Variants in PZP observed in about 807,000 individuals in gnomAD.
PZP encodes PZP alpha-2-macroglobulin like.
Under a neutral mutation model 179.8 loss-of-function variants are expected in PZP, and 150 were observed. That is an observed-to-expected ratio of 0.83 (90% CI 0.73 to 0.96). PZP has a LOEUF of 0.96. Among genes scored for constraint, PZP ranks in the 40% least tolerant of loss-of-function variants. The pLI is 0.00. For missense variants in PZP, 1,689 were observed against 1,764.0 expected (o/e 0.96, Z 0.76); for synonymous variants, 624 against 652.3 (o/e 0.96, Z 0.66).
the PZP span, among the ~76,000 whole-genome samples, chr12:9,141,837 C>G: frequency 2.1e-3 from 325 of 152,286 alleles, no homozygotes; most frequent in Non-Finnish European, 3.2e-3. Context: ...AGGACCCAGA[C>G]AGAAGTTCAG....
chr12:9,202,874 A>C (rs1292101213), intron 2 of PZP, among the ~76,000 whole-genome samples, 190 bp from the exon 3 acceptor site: 1 of 152,176 alleles, frequency 6.6e-6, no homozygotes, highest in African/African-American at 2.4e-5. Context: ...AGTGGCCATC[A>C]ATAGAACCCA....
chr12:9,204,791 AT>A (rs1944365782), intron 1 of PZP, among the ~76,000 whole-genome samples: 1 of 152,110 alleles, frequency 6.6e-6, no homozygotes, highest in Admixed American at 6.6e-5. Flanking sequence ...TATCTTTTCA[AT>A]AAAAAAAAAC....
intron 13 of PZP, 70 bp downstream of exon 13, chr12:9,192,123 T>G (rs1943489532): frequency 7.6e-7 from 1 of 1,319,548 alleles, no homozygotes; most frequent in African/African-American, 1.4e-5. Context: ...TTCCCATTTA[T>G]GAACTGTCAC....
rs73249106 is a variant in PZP, at chr12:9,171,411, T to G, written c.1840-1820A>C. 7.2e-3 allele frequency among the ~76,000 whole-genome samples: 1,095 copies of G among 152,274 alleles called. 15 individuals carry two copies. Among genetic ancestry groups the G allele is most frequent in the African/African-American group, 0.025 (1,021 of 41,532 alleles). The stretch of plus-strand genomic sequence containing the variant: ...GTTCACAAAGATGAGAAAGAATTAA[T>G]TCAAAAACAACGAAAACTCAAAATG... On this transcript the variant is annotated intron_variant, in intron 15 of 35. Transcript: ENST00000261336.
At chr12:9,154,575 C>T in intron 29 of PZP, 41 bp downstream of exon 29, 10 of 1,574,644 alleles carry the variant, frequency 6.4e-6, no homozygotes, top group Non-Finnish European at 8.7e-6. Context: ...TCCCAATTGC[C>T]AAGTGAACCT....
intron 25 of PZP, 54 bp from the exon 26 acceptor site, chr12:9,158,630 C>T (rs1417763057): frequency 6.3e-7 from 1 of 1,577,588 alleles, no homozygotes; most frequent in African/African-American, 1.3e-5. Context: ...CACTTTACTG[C>T]TCTGTTTTGT....
In PZP at chr12:9,196,556, G is replaced by A. The variant is rs375898908; in HGVS notation, c.982+15C>T. 3.8e-5 allele frequency: 60 copies of A among 1,584,816 alleles called. No homozygotes were observed. Among genetic ancestry groups the A allele is most frequent in the Non-Finnish European group, 3.1e-5 (36 of 1,153,948 alleles). ...AACTATTGTTTTATTTCCCATATTCGTTCATTACTCACACCTGTCCCCTCT... is the reference window on the plus strand; with the variant it reads ...AACTATTGTTTTATTTCCCATATTCATTCATTACTCACACCTGTCCCCTCT... On this transcript the variant is annotated intron_variant, in intron 9 of 35. Coordinates refer to ENST00000261336, the MANE Select transcript of PZP (RefSeq NM_002864.3).
chr12:9,169,008 G>A (rs1416653076), intron 16 of PZP, 34 bp from the exon 17 acceptor site: 1 of 1,449,716 alleles, frequency 6.9e-7, no homozygotes, highest in African/African-American at 1.4e-5. Context: ...CTACTTGTAA[G>A]CTTGATTAGA....
intron 12 of PZP, 47 bp downstream of exon 12, chr12:9,192,465 T>C: frequency 6.5e-7 from 1 of 1,547,726 alleles, no homozygotes; most frequent in Non-Finnish European, 8.9e-7. Context: ...TTGACCACTT[T>C]TGTCCTACTG....
At chr12:9,152,779 G>A (rs1221774076) in intron 31 of PZP, 45 bp downstream of exon 31, 2 of 1,583,700 alleles carry the variant, frequency 1.3e-6, no homozygotes, top group Non-Finnish European at 1.7e-6. Context: ...TTAATTCCAA[G>A]TTGCTTTTGG....
intron 25 of PZP, among the ~76,000 whole-genome samples, chr12:9,159,668 G>A (rs1297723382): frequency 6.6e-6 from 1 of 151,792 alleles, no homozygotes; most frequent in Non-Finnish European, 1.5e-5. Context: ...AGAGACCCAA[G>A]TGAGCCCATT....
chr12:9,197,682 TAC>T (rs1302234025), intron 7 of PZP, among the ~76,000 whole-genome samples: 2,552 of 100,990 alleles, frequency 0.025, 251 homozygotes, highest in Non-Finnish European at 0.029. Context: ...TATTATACAA[TAC>T]ATAATATATA....
At chr12:9,206,262 AATTT>A (rs1285469913) in intron 1 of PZP, among the ~76,000 whole-genome samples, 12 of 151,464 alleles carry the variant, frequency 7.9e-5, no homozygotes, top group African/African-American at 2.9e-4. Flanking sequence ...ATATATTTAT[AATTT>A]ATTTACTATT....
chr12:9,181,969 G>T lies in PZP; in HGVS notation c.1689+6C>A. The T allele has an allele frequency of 6.2e-7, 1 of 1,611,104 alleles. No individual in the cohort carries two copies. The highest frequency in any genetic ancestry group is 8.5e-7 in the Non-Finnish European group (1 of 1,178,408). ...TGTTCTTTTAATTTTATGTTAAATC[G>T]CTCACCTTGTTGGCTAGACAGTTTT... On this transcript the variant is annotated splice_donor_region_variant and intron_variant, in intron 14 of 35. Transcript: ENST00000261336.
intron 33 of PZP, among the ~76,000 whole-genome samples, chr12:9,151,276 T>A (rs1318928956): frequency 6.6e-6 from 1 of 152,154 alleles, no homozygotes; most frequent in African/African-American, 2.4e-5. Context: ...TCCTATTGAT[T>A]TATCACTTCA....
intron 10 of PZP, among the ~76,000 whole-genome samples, chr12:9,194,466 T>G (rs1241766531): frequency 2.7e-5 from 4 of 147,508 alleles, no homozygotes; most frequent in South Asian, 2.2e-4. Flanking sequence ...CAGGGAGTTT[T>G]TTTTTTTTTT....
chr12:9,138,597 A>G, the PZP span, among the ~76,000 whole-genome samples: 3 of 151,948 alleles, frequency 2.0e-5, no homozygotes, highest in African/African-American at 7.2e-5. Context: ...AAAAATGTGT[A>G]TTAGAATCTA....
rs762201369 is a variant in PZP at position 9,150,651 on chromosome 12, A to T, written c.4377T>A (p.Tyr1459Ter). ...KPAIVKVYDY[Y>*]ETDESVVAEY... ...CATTTTTCTTTCACTCACCTGTCTC[A>T]TAGTAATCATAGACTTTAACAATTG... is the stretch of plus-strand genomic sequence containing the variant. Residue 1459 changes from tyrosine (Y) to a stop codon, truncating the protein, a stop_gained, in exon 34 of 36, where the codon TAT becomes TAA. Coordinates refer to ENST00000261336, the MANE Select transcript of PZP (RefSeq NM_002864.3). LOFTEE classifies it low-confidence loss of function (END_TRUNC). 18 of 1,597,172 alleles carry T rather than the reference A, an allele frequency of 1.1e-5. No homozygotes were observed. In the East Asian group the frequency reaches 3.3e-4, roughly 30 times the overall value.
intron 13 of PZP, among the ~76,000 whole-genome samples, chr12:9,185,672 G>A (rs956878464): frequency 2.5e-4 from 35 of 142,280 alleles, no homozygotes; most frequent in Admixed American, 6.3e-4. Context: ...AAAAAAAAAT[G>A]TTAAAGGTAG....
Sources: gnomAD v4.1 joint callset for allele counts (sites outside exome capture counted in the v4.1 genomes callset) on GRCh38, gnomAD v4.1.1 for gene constraint, MANE v1.5 for transcripts, NCBI Gene and HGNC (gene_info 2026-07-23, HGNC 2026-07-21) for gene names.